STK10: variants seen among roughly 807,000 people sequenced by gnomAD.
The protein encoded by STK10 is serine/threonine kinase 10.
STK10 carries 78 observed loss-of-function variants against 113.8 expected under a neutral mutation model. That is an observed-to-expected ratio of 0.69 (90% CI 0.57 to 0.83). The LOEUF (loss-of-function observed/expected upper bound fraction) is 0.83. Among genes scored for constraint, STK10 ranks in the 40% least tolerant of loss-of-function variants. The pLI, the probability that STK10 is intolerant of heterozygous loss-of-function variation, is 0.00. For synonymous variants in STK10, 465 were observed against 494.7 expected (o/e 0.94, Z 0.80); for missense variants, 1,109 against 1,280.1 (o/e 0.87, Z 2.04).
At position 172,173,951 on chromosome 5, in the gene STK10, G is replaced by A. The variant is rs114733730; in HGVS notation, c.156+13936C>T. Reference sequence around the variant, plus strand: ...AGCTCAAGATGCTGAGGATCAGAGGGGTGAGGTGACTTGCCCAAAGTCACA... The same window carrying A: ...AGCTCAAGATGCTGAGGATCAGAGGAGTGAGGTGACTTGCCCAAAGTCACA... On this transcript the variant is annotated intron_variant, in intron 1 of 18. Transcript: ENST00000176763. Among the ~76,000 whole-genome samples, 1,142 of 152,284 alleles carry A rather than the reference G, an allele frequency of 7.5e-3. 21 individuals carry two copies. The highest frequency in any genetic ancestry group is 0.026 in the African/African-American group (1,098 of 41,536).
chr5:172,163,886 C>T (rs6898306), intron 1 of STK10, among the ~76,000 whole-genome samples: 92,648 of 151,810 alleles, frequency 0.61, 30,613 homozygotes, highest in African/African-American at 0.89. Flanking sequence ...ATCAGAATAC[C>T]GCGCTCCCTC....
chr5:172,045,016 C>T lies in STK10; in HGVS notation c.2773G>A (p.Glu925Lys). ...CGCTTCTTCTGGTTCAGATCCTCTT[C>T]CAGAGCCTAGGGAAGAGAGAGGATG... ...DKLRPRKKAL[E>K]EDLNQKKREQ... The change falls in exon 19 of 19, where the codon GAA (glutamate) becomes AAA (lysine). Residue 925 changes from glutamate to lysine, a missense_variant. Glu to Lys is a moderately conservative substitution (Grantham distance 56, BLOSUM62 1). Around this residue, in one of 5 missense-constraint regions of STK10, gnomAD observed 885 missense variants for 991.1 expected, o/e 0.89. Transcript: ENST00000176763. The T allele has an allele frequency of 6.2e-7, 1 of 1,614,152 alleles. No individual in the cohort carries two copies. Among genetic ancestry groups the T allele is most frequent in the South Asian group, 1.1e-5 (1 of 91,090 alleles).
chr5:172,099,700 G>T (rs1363771180), intron 7 of STK10, among the ~76,000 whole-genome samples: 3 of 150,546 alleles, frequency 2.0e-5, no homozygotes, highest in East Asian at 1.9e-4. Flanking sequence ...GATCCCAAAG[G>T]TTCCTAAGCT....
intron 6 of STK10, among the ~76,000 whole-genome samples, 194 bp from the exon 7 acceptor site, chr5:172,105,931 G>A (rs893186892): frequency 5.3e-5 from 8 of 152,138 alleles, no homozygotes; most frequent in Non-Finnish European, 1.0e-4. Context: ...CCCAGACATC[G>A]GCGAGGAGCA....
In STK10 at chr5:172,044,742, G is replaced by T; in HGVS notation, c.*140C>A. Reference sequence around the variant, plus strand: ...TGGGGCAGGTCTATCAGGCACAGTTGGGGTGGCACAGGGCGAGGGGCTGGA... The same window carrying T: ...TGGGGCAGGTCTATCAGGCACAGTTTGGGTGGCACAGGGCGAGGGGCTGGA... On this transcript the variant is annotated 3_prime_UTR_variant, in exon 19 of 19. Coordinates refer to ENST00000176763, the MANE Select transcript of STK10 (RefSeq NM_005990.4). The surrounding 1 kb of genome is among the most constrained non-coding windows in gnomAD (Gnocchi z 4.5). 1.4e-6 allele frequency: 2 copies of T among 1,396,450 alleles called. No individual in the cohort carries two copies. Among genetic ancestry groups the T allele is most frequent in the Non-Finnish European group, 2.0e-6 (2 of 1,006,194 alleles). 86.5% of individuals were successfully genotyped at this position (1,396,450 alleles called of 1,614,324 possible). A position where few individuals can be genotyped will look rare whatever the true frequency, so the allele number is the denominator to read the frequency against.
chr5:172,135,625 C>T (rs570653820), intron 2 of STK10, among the ~76,000 whole-genome samples: 13 of 152,222 alleles, frequency 8.5e-5, no homozygotes, highest in South Asian at 2.1e-4. Flanking sequence ...TGGGAGAGTC[C>T]GGCAGTTCCT....
chr5:172,098,258 G>A (rs185112936), intron 7 of STK10, among the ~76,000 whole-genome samples: 2 of 152,172 alleles, frequency 1.3e-5, no homozygotes, highest in African/African-American at 4.8e-5. Context: ...GGCCGGGCGC[G>A]GTGGCTCAAA....
chr5:172,057,161 C>G (rs1289133254), intron 15 of STK10, 188 bp downstream of exon 15: 2 of 701,792 alleles, frequency 2.8e-6, no homozygotes, highest in African/African-American at 3.6e-5. Context: ...CTATTCCTAG[C>G]CCCTTGAGCT....
rs1319401082 is a variant in STK10, at chr5:172,187,744, T to G, written c.156+143A>C. ...TGATGTTCCCCCCAAAAAACAAGAG[T>G]CATCGGGATGAGGGCCAGGGACCCC... is the stretch of plus-strand genomic sequence containing the variant. On this transcript the variant is annotated intron_variant, in intron 1 of 18. Transcript: ENST00000176763. The surrounding 1 kb of genome is among the most constrained non-coding windows in gnomAD (Gnocchi z 4.6). 1.6e-6 allele frequency: 2 copies of G among 1,256,058 alleles called. No homozygotes were observed. The highest frequency in any genetic ancestry group is 2.2e-6 in the Non-Finnish European group (2 of 929,102). The allele number at this position is 1,256,058 out of a possible 1,614,324, so 77.8% of individuals were successfully genotyped here.
Position 172,054,635 on chromosome 5 carries a change from G to A in STK10, c.2586C>T (p.His862=), listed in dbSNP as rs752312915. 2.4e-5 allele frequency: 38 copies of A among 1,610,948 alleles called. No individual in the cohort carries two copies. Among genetic ancestry groups the A allele is most frequent in the East Asian group, 1.6e-4 (7 of 44,892 alleles). Residue 862 remains histidine, a synonymous_variant, in exon 17 of 19, where the codon CAC becomes CAT. Coordinates refer to ENST00000176763, the MANE Select transcript of STK10 (RefSeq NM_005990.4). ...CCAGCATGTCCCGCATCTGGTTCTC[G>A]TGTTTCTGCTGTTGCTGCAGCCGCT... The part of the protein sequence containing the change: ...KSERLQQQQK[H]ENQMRDMLAQ...
chr5:172,153,994 C>T (rs983648183), intron 2 of STK10, among the ~76,000 whole-genome samples: 3 of 152,228 alleles, frequency 2.0e-5, no homozygotes, highest in African/African-American at 7.2e-5. Flanking sequence ...ACTTCTCAAA[C>T]TGCCTCCACG....
Position 172,093,849 on chromosome 5 carries a change from C to A in STK10, c.1117G>T (p.Asp373Tyr). 1 of 1,589,744 alleles carries A rather than the reference C, an allele frequency of 6.3e-7. No homozygotes were observed. Among genetic ancestry groups the A allele is most frequent in the Non-Finnish European group, 8.6e-7 (1 of 1,164,282 alleles). The change falls in exon 9 of 19, where the codon GAC becomes TAC. Residue 373 changes from aspartate (D) to tyrosine (Y), a missense_variant. Physicochemically the swap from Asp to Tyr is radical, Grantham distance 160. This residue lies in a region of STK10 where 885 missense variants were observed against 991.1 expected (regional missense o/e 0.89). Coordinates refer to ENST00000176763, the MANE Select transcript of STK10 (RefSeq NM_005990.4). The surrounding 1 kb of genome is among the most constrained non-coding windows in gnomAD (Gnocchi z 4.1). ...TGGCTGCAGGGCTCATTCACACTGT[C>A]CTGAGACTGGCTGGGTGCCAGCGGG... The part of the protein sequence containing the change: ...STPLAPSQSQ[D>Y]SVNEPCSQPS...
At chr5:172,085,438 C>T (rs896661812) in intron 10 of STK10, among the ~76,000 whole-genome samples, 2 of 152,020 alleles carry the variant, frequency 1.3e-5, no homozygotes, top group African/African-American at 4.8e-5. Flanking sequence ...CCTGTAATCC[C>T]AGCACTTTGG....
At chr5:172,088,367 T>C (rs1768617488) in intron 10 of STK10, among the ~76,000 whole-genome samples, 1 of 151,710 alleles carries the variant, frequency 6.6e-6, no homozygotes, top group African/African-American at 2.4e-5. Context: ...GTACTAAAAA[T>C]ACAAAAATTA....
At position 172,187,718 on chromosome 5, in the gene STK10, G is replaced by C. The variant is rs1329356751; in HGVS notation, c.156+169C>G. On this transcript the variant is annotated intron_variant, in intron 1 of 18. Coordinates refer to ENST00000176763, the MANE Select transcript of STK10 (RefSeq NM_005990.4). This position sits in a 1 kb window ranked among gnomAD's most constrained non-coding sequence, Gnocchi z 4.6. ...GAGCGCAGGGACTCGGCCGGGCCGA[G>C]TGATGTTCCCCCCAAAAAACAAGAG... Among the ~76,000 whole-genome samples, 1 of 152,204 alleles carries C rather than the reference G, an allele frequency of 6.6e-6. No individual in the cohort carries two copies. The highest frequency in any genetic ancestry group is 1.5e-5 in the Non-Finnish European group (1 of 68,026).
intron 1 of STK10, among the ~76,000 whole-genome samples, chr5:172,181,490 T>A (rs976768383): frequency 6.0e-5 from 9 of 149,550 alleles, no homozygotes; most frequent in Non-Finnish European, 1.2e-4. Flanking sequence ...ATTTTAATTT[T>A]TTTTTTTTTT....
At chr5:172,075,167 C>T (rs1036504568) in intron 12 of STK10, among the ~76,000 whole-genome samples, 3 of 125,920 alleles carry the variant, frequency 2.4e-5, no homozygotes, top group African/African-American at 6.0e-5. Flanking sequence ...AAGACCCTGT[C>T]AAAAAAAGAA....
At chr5:172,172,540 A>G (rs987018684) in intron 1 of STK10, among the ~76,000 whole-genome samples, 3 of 152,230 alleles carry the variant, frequency 2.0e-5, no homozygotes, top group East Asian at 1.9e-4. Context: ...AAAGATGCCT[A>G]TGTCCCACTG....
intron 1 of STK10, among the ~76,000 whole-genome samples, chr5:172,163,724 T>C (rs146302369): frequency 1.3e-5 from 2 of 152,262 alleles, no homozygotes; most frequent in East Asian, 3.9e-4. Context: ...GACAAGCAAT[T>C]TTCTGCCTAG....
Sources: allele counts gnomAD v4.1 joint callset (sites outside exome capture counted in the v4.1 genomes callset), GRCh38; gene constraint gnomAD v4.1.1; regional missense constraint gnomAD v4.1.1; non-coding constraint Gnocchi (gnomAD v3.1); transcripts MANE v1.5; gene names NCBI Gene and HGNC (gene_info 2026-07-23, HGNC 2026-07-21).